Variants in GFRA1 observed in about 807,000 individuals in gnomAD.
GFRA1 encodes GDNF family receptor alpha 1, also known as GDNF family receptor alpha-1.
Under a neutral mutation model 51.6 loss-of-function variants are expected in GFRA1, and 16 were observed. The observed-to-expected ratio is 0.31, with a 90% CI of 0.21 to 0.47. GFRA1 has a LOEUF of 0.47. GFRA1 is among the 20% of genes least tolerant of loss of function. The pLI is 1.00. For missense variants in GFRA1, 530 were observed against 594.3 expected (o/e 0.89, Z 1.13); for synonymous variants, 270 against 241.3 (o/e 1.12, Z -1.10).
In GFRA1 at chr10:116,064,070, G is replaced by GATCATGATGATCATC. The variant is rs58366696; in HGVS notation, c.*313_*327dup. On this transcript the variant is annotated 3_prime_UTR_variant, in exon 11 of 11. Coordinates refer to ENST00000355422, the MANE Select transcript of GFRA1 (RefSeq NM_005264.8). ...TCATGATCATGATGATCATCATCAT[G>GATCATGATGATCATC]ATCATGATGATCATCATCATGATCA... The GATCATGATGATCATC allele has an allele frequency of 2.8e-5, 4 of 142,416 alleles. No individual in the cohort carries two copies. Among genetic ancestry groups the GATCATGATGATCATC allele is most frequent in the Non-Finnish European group, 5.1e-5 (4 of 77,898 alleles). The allele number at this position is 142,416 out of a possible 1,614,324, so 8.8% of individuals were successfully genotyped here. A position where few individuals can be genotyped will look rare whatever the true frequency, so the allele number is the denominator to read the frequency against.
intron 4 of GFRA1, among the ~76,000 whole-genome samples, chr10:116,213,411 T>C (rs1965345216): frequency 6.6e-6 from 1 of 152,208 alleles, no homozygotes; most frequent in African/African-American, 2.4e-5. Flanking sequence ...AGCCCATCTG[T>C]GCCCCCTGTA....
chr10:116,206,726 G>A (rs1394159459), intron 5 of GFRA1, among the ~76,000 whole-genome samples: 2 of 144,016 alleles, frequency 1.4e-5, no homozygotes, highest in Admixed American at 7.3e-5. Context: ...TCCGCCTCCC[G>A]GGTTCACGCC....
chr10:116,110,904 G>A (rs978129806), intron 6 of GFRA1, among the ~76,000 whole-genome samples: 1 of 152,152 alleles, frequency 6.6e-6, no homozygotes, highest in Non-Finnish European at 1.5e-5. Context: ...GATGTACCAT[G>A]TACTTGTACA....
chr10:116,077,964 T>C (rs868285082), intron 9 of GFRA1, among the ~76,000 whole-genome samples: 14 of 152,298 alleles, frequency 9.2e-5, no homozygotes, highest in South Asian at 2.1e-4. Flanking sequence ...TCCCTTAACG[T>C]CTCCCCATGA....
chr10:116,203,272 T>C (rs916065749), intron 5 of GFRA1, among the ~76,000 whole-genome samples: 14 of 152,186 alleles, frequency 9.2e-5, no homozygotes, highest in African/African-American at 2.9e-4. Context: ...TACAATCGTA[T>C]GTAATTCTCT....
chr10:116,272,081 G>A lies in GFRA1; in HGVS notation c.-52C>T. On this transcript the variant is annotated 5_prime_UTR_variant, in exon 2 of 11. Coordinates refer to ENST00000355422, the MANE Select transcript of GFRA1 (RefSeq NM_005264.8). This position sits in a 1 kb window ranked among gnomAD's most constrained non-coding sequence, Gnocchi z 4.4. ...CCCCCCAAAAAAATCCCGAGCCGCC[G>A]CTGGGTCTTGCCGAGGGAGCTCAGC... 6.9e-7 allele frequency: 1 copy of A among 1,459,462 alleles called. No homozygotes were observed. Among genetic ancestry groups the A allele is most frequent in the Non-Finnish European group, 9.4e-7 (1 of 1,065,590 alleles). 90.4% of individuals were successfully genotyped at this position (1,459,462 alleles called of 1,614,324 possible).
intron 5 of GFRA1, among the ~76,000 whole-genome samples, chr10:116,207,662 C>T (rs2694763): frequency 0.63 from 95,119 of 151,998 alleles, 31,556 homozygotes; most frequent in African/African-American, 0.86. Flanking sequence ...CACACATGTA[C>T]GTATGTATTG....
intron 4 of GFRA1, among the ~76,000 whole-genome samples, chr10:116,264,503 C>T (rs886093945): frequency 6.6e-5 from 10 of 152,164 alleles, no homozygotes; most frequent in Non-Finnish European, 1.2e-4. Context: ...AATAAGTCCT[C>T]TTGATATGCT....
At chr10:116,196,584 AG>A (rs373374789) in intron 5 of GFRA1, among the ~76,000 whole-genome samples, 2 of 16,878 alleles carry the variant, frequency 1.2e-4, no homozygotes, top group Non-Finnish European at 1.8e-4. Flanking sequence ...TATAATATAT[AG>A]TACTATATAT....
intron 4 of GFRA1, among the ~76,000 whole-genome samples, chr10:116,248,852 G>A (rs1968083455): frequency 6.6e-6 from 1 of 152,112 alleles, no homozygotes; most frequent in South Asian, 2.1e-4. Context: ...TCTCAAATGT[G>A]ACAATGACGA....
chr10:116,092,638 T>C (rs1390145146), intron 8 of GFRA1, among the ~76,000 whole-genome samples: 3 of 152,062 alleles, frequency 2.0e-5, no homozygotes, highest in Non-Finnish European at 4.4e-5. Context: ...ACAAAGCTCT[T>C]AGGACACAGG....
intron 7 of GFRA1, among the ~76,000 whole-genome samples, chr10:116,096,362 C>T (rs892011639): frequency 4.6e-5 from 7 of 152,114 alleles, no homozygotes; most frequent in East Asian, 1.9e-4. Context: ...TTTTGTTCTG[C>T]GTGGTCAGTT....
intron 4 of GFRA1, among the ~76,000 whole-genome samples, chr10:116,212,353 C>G (rs1186948671): frequency 6.6e-6 from 1 of 151,990 alleles, no homozygotes; most frequent in Non-Finnish European, 1.5e-5. Flanking sequence ...AACCCCATCT[C>G]TACTAAAAAT....
At chr10:116,154,714 CTT>C (rs1263065579) in intron 5 of GFRA1, among the ~76,000 whole-genome samples, 1 of 152,204 alleles carries the variant, frequency 6.6e-6, no homozygotes, top group East Asian at 1.9e-4. Context: ...CTGAAGTTAA[CTT>C]TAAAAATAGT....
intron 5 of GFRA1, among the ~76,000 whole-genome samples, chr10:116,199,529 C>T (rs943351553): frequency 6.6e-6 from 1 of 152,218 alleles, no homozygotes; most frequent in Non-Finnish European, 1.5e-5. Context: ...ACTAATGTTG[C>T]TTTACCACAA....
At chr10:116,157,561 C>T (rs1959275277) in intron 5 of GFRA1, among the ~76,000 whole-genome samples, 1 of 152,288 alleles carries the variant, frequency 6.6e-6, no homozygotes, top group Admixed American at 6.5e-5. Context: ...TGTCCCCATG[C>T]CTTGAACATC....
chr10:116,193,828 C>A (rs544162162), intron 5 of GFRA1, among the ~76,000 whole-genome samples: 1 of 151,682 alleles, frequency 6.6e-6, no homozygotes, highest in Non-Finnish European at 1.5e-5. Flanking sequence ...GAGGCCTAGG[C>A]GGGTGGATCA....
At chr10:116,084,038 G>C (rs1289657014) in intron 9 of GFRA1, among the ~76,000 whole-genome samples, 2 of 152,176 alleles carry the variant, frequency 1.3e-5, no homozygotes, top group Non-Finnish European at 2.9e-5. Flanking sequence ...GAAATCCAGT[G>C]AATGTGGCAG....
rs559225439 is a variant in GFRA1, at chr10:116,163,115, C to T, written c.434-37558G>A. On this transcript the variant is annotated intron_variant, in intron 5 of 10. Coordinates refer to ENST00000355422, the MANE Select transcript of GFRA1 (RefSeq NM_005264.8). ...GGATGAGGAAAATCGATGTAATGACCCATAAGAGGAACCTGTTCATAAAGA... is the reference window on the plus strand; with the variant it reads ...GGATGAGGAAAATCGATGTAATGACTCATAAGAGGAACCTGTTCATAAAGA... 3.8e-4 allele frequency among the ~76,000 whole-genome samples: 58 copies of T among 152,178 alleles called. 1 individual carries two copies. Among genetic ancestry groups the T allele is most frequent in the Non-Finnish European group, 6.9e-4 (47 of 68,024 alleles).
Sources: gnomAD v4.1 joint callset for allele counts (sites outside exome capture counted in the v4.1 genomes callset) on GRCh38, gnomAD v4.1.1 for gene constraint, Gnocchi (gnomAD v3.1) non-coding constraint, MANE v1.5 for transcripts, NCBI Gene and HGNC (gene_info 2026-07-23, HGNC 2026-07-21) for gene names.